Variants in PCDHA2 observed in about 807,000 individuals in gnomAD.
The protein encoded by PCDHA2 is protocadherin alpha 2.
Under a neutral mutation model 66.0 loss-of-function variants are expected in PCDHA2, and 58 were observed. The ratio of observed to expected loss-of-function variants is 0.88; its 90% CI spans 0.71 to 1.09. The LOEUF is 1.09. Among genes scored for constraint, PCDHA2 ranks in the 50% least tolerant of loss-of-function variants. The probability of loss-of-function intolerance (pLI) is 0.00; values close to 1 mark genes in which losing one functional copy is unlikely to be tolerated. For synonymous variants in PCDHA2, 634 were observed against 554.0 expected (o/e 1.14, Z -2.03); for missense variants, 1,267 against 1,242.3 (o/e 1.02, Z -0.30).
intron 3 of PCDHA2, chr5:140,989,125 T>G (rs2097330563): frequency 6.6e-6 from 1 of 152,152 alleles, no homozygotes; most frequent in Non-Finnish European, 1.5e-5. Context: ...CTTAGAAAAA[T>G]AAGACACTTT....
Position 140,856,446 on chromosome 5 carries a change from C to T in PCDHA2, c.2388+59094C>T. On this transcript the variant is annotated intron_variant, in intron 1 of 3. Coordinates refer to ENST00000526136, the MANE Select transcript of PCDHA2 (RefSeq NM_018905.3). ...ATTAACGACAACCCGCCCAGGTTCTCCGTAACAGAACAAAAGCTCTCAATA... is the reference window on the plus strand; with the variant it reads ...ATTAACGACAACCCGCCCAGGTTCTTCGTAACAGAACAAAAGCTCTCAATA... 1.9e-6 allele frequency: 3 copies of T among 1,598,398 alleles called. 1 individual carries two copies. Among genetic ancestry groups the T allele is most frequent in the Non-Finnish European group, 8.6e-7 (1 of 1,167,936 alleles).
At chr5:140,976,594 T>C (rs2096724606) in intron 1 of PCDHA2, among the ~76,000 whole-genome samples, 1 of 152,146 alleles carries the variant, frequency 6.6e-6, no homozygotes, top group Non-Finnish European at 1.5e-5. Flanking sequence ...ACTTTTGTGT[T>C]AAGGGGACCT....
intron 1 of PCDHA2, among the ~76,000 whole-genome samples, chr5:140,935,973 A>C (rs956262031): frequency 1.3e-5 from 2 of 150,786 alleles, no homozygotes; most frequent in Admixed American, 1.3e-4. Flanking sequence ...GCTCACTGCA[A>C]TCTCTGCCTC....
At chr5:140,882,262 G>GTGTA (rs781901698) in intron 1 of PCDHA2, 2 of 1,605,126 alleles carry the variant, frequency 1.2e-6, no homozygotes, top group Non-Finnish European at 1.7e-6. Context: ...GGTTTTTGGA[G>GTGTA]TGTACCATGC....
At chr5:141,000,421 A>ATATTT (rs1265241806) in intron 3 of PCDHA2, among the ~76,000 whole-genome samples, 4 of 27,980 alleles carry the variant, frequency 1.4e-4, no homozygotes, top group Non-Finnish European at 1.1e-4. Context: ...ATATATATAT[A>ATATTT]TTTTTTTTTT....
At chr5:140,883,635 C>T (rs997170789) in intron 1 of PCDHA2, 1 of 1,613,182 alleles carries the variant, frequency 6.2e-7, no homozygotes, top group Non-Finnish European at 8.5e-7. Flanking sequence ...CCGGCGTTCG[C>T]GCAGCCCGAG....
intron 1 of PCDHA2, chr5:140,813,079 T>C (rs2126643800): frequency 1.3e-5 from 2 of 152,228 alleles, no homozygotes; most frequent in Non-Finnish European, 2.9e-5. Context: ...TCCTGGAAAA[T>C]GCTCTGAGTG....
chr5:140,828,344 T>C (rs1769704236), intron 1 of PCDHA2: 1 of 1,614,208 alleles, frequency 6.2e-7, no homozygotes, highest in East Asian at 2.2e-5. Context: ...TGGCATTTTG[T>C]TTGTGAATTC....
chr5:140,802,133 A>G, intron 1 of PCDHA2: 3 of 1,614,210 alleles, frequency 1.9e-6, no homozygotes, highest in Non-Finnish European at 2.5e-6. Flanking sequence ...ATTTCGAGGA[A>G]AGTAAGTCAT....
At chr5:140,912,139 GTTC>G (rs2075787473) in intron 1 of PCDHA2, among the ~76,000 whole-genome samples, 1 of 152,162 alleles carries the variant, frequency 6.6e-6, no homozygotes. Context: ...ATCTCTCCAT[GTTC>G]TTCTGCCTGT....
intron 1 of PCDHA2, chr5:140,803,264 G>A (rs782371333): frequency 4.3e-6 from 7 of 1,613,848 alleles, no homozygotes; most frequent in African/African-American, 1.3e-5. Flanking sequence ...CCACGGGCCC[G>A]GAAGCTGCAC....
chr5:140,838,075 ATAGTGTGTGTGTGTGTGTGTGTGT>A (rs2150283450), intron 1 of PCDHA2, among the ~76,000 whole-genome samples: 41 of 128,134 alleles, frequency 3.2e-4, no homozygotes, highest in South Asian at 2.7e-4. Context: ...TTATATATAT[ATAGTGTGTGTGTGTGTGTGTGTGT>A]GTGTGTGTGT....
intron 1 of PCDHA2, chr5:140,927,776 T>C (rs781966197): frequency 7.4e-6 from 12 of 1,614,140 alleles, no homozygotes; most frequent in South Asian, 1.1e-5. Flanking sequence ...GAGGTGCAAG[T>C]AGCTGCTTCA....
chr5:140,841,148 C>T, intron 1 of PCDHA2: 1 of 776,052 alleles, frequency 1.3e-6, no homozygotes, highest in Non-Finnish European at 2.0e-6. Context: ...CATGATGTCG[C>T]TGTCTACCAA....
chr5:140,841,145 T>C, intron 1 of PCDHA2: 1 of 756,386 alleles, frequency 1.3e-6, no homozygotes, highest in Non-Finnish European at 2.1e-6. Flanking sequence ...CCACATGATG[T>C]CGCTGTCTAC....
At position 141,010,147 on chromosome 5, in the gene PCDHA2, C is replaced by A; in HGVS notation, c.*210C>A. ...AAGTCTGGTGTTAACTCTTTCTCTC[C>A]ACTCTGGCTTGTTTTCAGAACCTAA... On this transcript the variant is annotated 3_prime_UTR_variant, in exon 4 of 4. Coordinates refer to ENST00000526136, the MANE Select transcript of PCDHA2 (RefSeq NM_018905.3). 1 of 1,583,190 alleles carries A rather than the reference C, an allele frequency of 6.3e-7. No individual in the cohort carries two copies. Among genetic ancestry groups the A allele is most frequent in the Non-Finnish European group, 8.6e-7 (1 of 1,163,606 alleles).
chr5:140,856,428 A>T, intron 1 of PCDHA2: 1 of 1,598,400 alleles, frequency 6.3e-7, no homozygotes, highest in South Asian at 1.1e-5. Flanking sequence ...GACATTAACG[A>T]CAACCCGCCC....
In PCDHA2 at chr5:140,823,215, C is replaced by G. The variant is rs916835953; in HGVS notation, c.2388+25863C>G. On this transcript the variant is annotated intron_variant, in intron 1 of 3. Transcript: ENST00000526136. ...ACATCTTCACGGTGTCTGCACGGGA[C>G]GCGGACGCGCAGGAGAACGCCCTGG... is the stretch of plus-strand genomic sequence containing the variant. 1.2e-6 allele frequency: 2 copies of G among 1,613,652 alleles called. No individual in the cohort carries two copies. The highest frequency in any genetic ancestry group is 1.1e-5 in the South Asian group (1 of 91,078).
At chr5:140,925,938 T>C (rs1357099773) in intron 1 of PCDHA2, among the ~76,000 whole-genome samples, 1 of 138,492 alleles carries the variant, frequency 7.2e-6, no homozygotes, top group Non-Finnish European at 1.5e-5. Context: ...GTAGAGCCTC[T>C]TGGAGAAGGA....
Sources: gnomAD v4.1 joint callset for allele counts (sites outside exome capture counted in the v4.1 genomes callset) on GRCh38, gnomAD v4.1.1 for gene constraint, MANE v1.5 for transcripts, NCBI Gene and HGNC (gene_info 2026-07-23, HGNC 2026-07-21) for gene names.